Variants in AKT3 observed in about 807,000 individuals in gnomAD.
AKT3 encodes AKT serine/threonine kinase 3.
In AKT3, 15 loss-of-function variants were observed where a neutral mutation model predicts 65.3. That is an observed-to-expected ratio of 0.23 (90% CI 0.15 to 0.35). The LOEUF (loss-of-function observed/expected upper bound fraction) is 0.35. Among genes scored for constraint, AKT3 ranks in the 10% least tolerant of loss-of-function variants. The pLI, the probability that AKT3 is intolerant of heterozygous loss-of-function variation, is 1.00. For synonymous variants in AKT3, 206 were observed against 183.8 expected (o/e 1.12, Z -0.98); for missense variants, 243 against 576.5 (o/e 0.42, Z 5.92).
chr1:243,843,268 T>C lies in AKT3; in HGVS notation c.-98A>G, dbSNP rs1244484902. ...TGCTGCTGCTGCCCTTCCCACTCTCTAGTGATGACTCAGCCTGGAAGGAAG... is the reference window on the plus strand; with the variant it reads ...TGCTGCTGCTGCCCTTCCCACTCTCCAGTGATGACTCAGCCTGGAAGGAAG... On this transcript the variant is annotated 5_prime_UTR_variant, in exon 2 of 14. Coordinates refer to ENST00000673466, the MANE Select transcript of AKT3 (RefSeq NM_005465.7). 10 of 1,479,080 alleles carry C rather than the reference T, an allele frequency of 6.8e-6. No homozygotes were observed. Among genetic ancestry groups the C allele is most frequent in the Non-Finnish European group, 9.0e-6 (10 of 1,108,306 alleles). 91.6% of individuals were successfully genotyped at this position (1,479,080 alleles called of 1,614,324 possible).
At chr1:243,571,963 C>T (rs754990142) in intron 9 of AKT3, among the ~76,000 whole-genome samples, 36 of 152,122 alleles carry the variant, frequency 2.4e-4, no homozygotes, top group Non-Finnish European at 4.6e-4. Context: ...TCATAAAAGC[C>T]TCATGTAACT....
At chr1:243,742,400 C>T (rs557096333) in intron 2 of AKT3, among the ~76,000 whole-genome samples, 1 of 152,054 alleles carries the variant, frequency 6.6e-6, no homozygotes, top group East Asian at 1.9e-4. Context: ...CTGAGGCAGG[C>T]GATCACCTAA....
Position 243,850,080 on chromosome 1 carries a change from C to A in AKT3, c.-153G>T. On this transcript the variant is annotated 5_prime_UTR_variant, in exon 1 of 14. Transcript: ENST00000673466. ...CGGCGGTGGCGGCCCCGCAGCTGCT[C>A]GGGCGGCGGCGGAGGATGGAGCCGG... 2 of 634,178 alleles carry A rather than the reference C, an allele frequency of 3.2e-6. No homozygotes were observed. The highest frequency in any genetic ancestry group is 1.4e-4 in the South Asian group (2 of 13,902). 39.3% of individuals were successfully genotyped at this position (634,178 alleles called of 1,614,324 possible).
chr1:243,495,466 G>A (rs1667586742), downstream of AKT3, among the ~76,000 whole-genome samples: 1 of 152,206 alleles, frequency 6.6e-6, no homozygotes, highest in South Asian at 2.1e-4. Flanking sequence ...GTTATCAGGG[G>A]CCCAGCCGGG....
intron 3 of AKT3, among the ~76,000 whole-genome samples, chr1:243,674,632 G>A (rs1223261599): frequency 1.3e-5 from 2 of 152,204 alleles, no homozygotes; most frequent in East Asian, 3.9e-4. Flanking sequence ...AAAGAGGGGT[G>A]AGGAAGGTAG....
chr1:243,656,270 A>G (rs986707120), intron 4 of AKT3, among the ~76,000 whole-genome samples: 4 of 152,302 alleles, frequency 2.6e-5, no homozygotes, highest in African/African-American at 9.6e-5. Flanking sequence ...ATCTTTTAAA[A>G]GTACATATAC....
intron 2 of AKT3, among the ~76,000 whole-genome samples, chr1:243,829,146 A>T (rs899316407): frequency 6.6e-6 from 1 of 152,156 alleles, no homozygotes; most frequent in Non-Finnish European, 1.5e-5. Flanking sequence ...ATTTTCTTCT[A>T]GTTCTTAAGT....
At chr1:243,723,303 C>A (rs1439846277) in intron 2 of AKT3, among the ~76,000 whole-genome samples, 1 of 152,032 alleles carries the variant, frequency 6.6e-6, no homozygotes, top group Admixed American at 6.6e-5. Flanking sequence ...TGTCACTATT[C>A]AGAAAAAGAA....
At chr1:243,518,399 CT>C (rs1214987665) in intron 12 of AKT3, among the ~76,000 whole-genome samples, 1 of 152,130 alleles carries the variant, frequency 6.6e-6, no homozygotes, top group Non-Finnish European at 1.5e-5. Flanking sequence ...CTTTGGGAGT[CT>C]GAGGCAGGCA....
At chr1:243,660,137 G>C (rs1448238344) in intron 4 of AKT3, among the ~76,000 whole-genome samples, 1 of 151,890 alleles carries the variant, frequency 6.6e-6, no homozygotes, top group Non-Finnish European at 1.5e-5. Flanking sequence ...GTAAGCTATT[G>C]ATTATTGCCA....
intron 8 of AKT3, among the ~76,000 whole-genome samples, chr1:243,588,594 T>C (rs548536558): frequency 2.6e-5 from 4 of 152,200 alleles, no homozygotes; most frequent in Non-Finnish European, 5.9e-5. Context: ...CATGCCTATA[T>C]GGTCAACAAA....
chr1:243,842,115 T>C (rs1428219272), intron 2 of AKT3, among the ~76,000 whole-genome samples: 1 of 152,170 alleles, frequency 6.6e-6, no homozygotes, highest in African/African-American at 2.4e-5. Context: ...CTGGCAAAAC[T>C]CATCAAATTA....
chr1:243,545,386 A>G lies in AKT3; in HGVS notation c.1251+124T>C, dbSNP rs1038508398. 20 of 536,726 alleles carry G rather than the reference A, an allele frequency of 3.7e-5. 1 individual carries two copies. In the South Asian group the frequency reaches 7.5e-4, roughly 20 times the overall value. The allele number at this position is 536,726 out of a possible 1,614,324, so 33.2% of individuals were successfully genotyped here. A position where few individuals can be genotyped will look rare whatever the true frequency, so the allele number is the denominator to read the frequency against. ...GCACAGAAGTTCAATAATCACTTAA[A>G]TGTCGGTAAAATGGAAAGTATCATT... On this transcript the variant is annotated intron_variant, in intron 12 of 13. Transcript: ENST00000673466.
intron 12 of AKT3, among the ~76,000 whole-genome samples, chr1:243,529,263 TCTG>T (rs1220067886): frequency 1.3e-5 from 2 of 152,064 alleles, no homozygotes; most frequent in Non-Finnish European, 2.9e-5. Context: ...GTCTGTTTAC[TCTG>T]CTGATAGTCT....
chr1:243,665,867 A>T (rs1264747041), intron 3 of AKT3, among the ~76,000 whole-genome samples: 3 of 152,152 alleles, frequency 2.0e-5, no homozygotes, highest in Non-Finnish European at 4.4e-5. Context: ...CTTTTGGAAG[A>T]AACTAATTTA....
chr1:243,759,562 A>T (rs981009147), intron 2 of AKT3, among the ~76,000 whole-genome samples: 1 of 152,098 alleles, frequency 6.6e-6, no homozygotes, highest in South Asian at 2.1e-4. Context: ...AAAAAAAAAT[A>T]AAAATTCAAG....
rs1017288057 is a variant in AKT3, at chr1:243,500,346, C to T, written c.*4903G>A. On this transcript the variant is annotated 3_prime_UTR_variant, in exon 14 of 14. Coordinates refer to ENST00000673466, the MANE Select transcript of AKT3 (RefSeq NM_005465.7). ...ACACCAGGAAGCACTATGCATTACT[C>T]TTTCCATTCTGTTAAACAACGAAAA... 1 of 225,150 alleles carries T rather than the reference C, an allele frequency of 4.4e-6. No homozygotes were observed. The highest frequency in any genetic ancestry group is 2.2e-5 in the African/African-American group (1 of 44,786). The allele number at this position is 225,150 out of a possible 1,614,324, so 13.9% of individuals were successfully genotyped here.
chr1:243,548,945 T>C (rs1332387808), intron 11 of AKT3, among the ~76,000 whole-genome samples: 1 of 152,198 alleles, frequency 6.6e-6, no homozygotes, highest in Non-Finnish European at 1.5e-5. Context: ...TGTATTATAA[T>C]GCTATCATTA....
chr1:243,680,570 C>T (rs1645883525), intron 3 of AKT3, among the ~76,000 whole-genome samples: 1 of 151,952 alleles, frequency 6.6e-6, no homozygotes, highest in African/African-American at 2.4e-5. Flanking sequence ...TTTAACTTTA[C>T]TCAAAGTATA....
Sources: gnomAD v4.1 joint callset for allele counts (sites outside exome capture counted in the v4.1 genomes callset) on GRCh38, gnomAD v4.1.1 for gene constraint, MANE v1.5 for transcripts, NCBI Gene and HGNC (gene_info 2026-07-23, HGNC 2026-07-21) for gene names.